Variants in SLC5A9 observed in about 807,000 individuals in gnomAD.
SLC5A9 encodes solute carrier family 5 member 9, also known as sodium/glucose cotransporter 4.
In SLC5A9, 59 loss-of-function variants were observed where a neutral mutation model predicts 70.9. The observed-to-expected ratio is 0.83, with a 90% CI of 0.68 to 1.03. The LOEUF (loss-of-function observed/expected upper bound fraction) is 1.03, where lower values mean the gene tolerates loss of function less well. Ranked by LOEUF, SLC5A9 falls within the 50% of genes least tolerant of loss-of-function variation. The pLI, the probability that SLC5A9 is intolerant of heterozygous loss-of-function variation, is 0.00. For synonymous variants in SLC5A9, 340 were observed against 346.5 expected, an observed-to-expected ratio of 0.98 and a Z score of 0.21; for missense variants, 832 against 881.1, an observed-to-expected ratio of 0.94 and a Z score of 0.71.
At position 48,231,974 on chromosome 1, in the gene SLC5A9, C is replaced by T. The variant is rs376108374; in HGVS notation, c.720C>T (p.Gly240=). 18 of 1,614,024 alleles carry T rather than the reference C, an allele frequency of 1.1e-5. No homozygotes were observed. In the African/African-American group the frequency reaches 2.1e-4, roughly 19 times the overall value. Residue 240 remains glycine (G), a synonymous_variant, in exon 7 of 14, where the codon GGC becomes GGT. Coordinates refer to ENST00000438567, the MANE Select transcript of SLC5A9 (RefSeq NM_001011547.3). The stretch of plus-strand genomic sequence containing the variant: ...TTCAGGACGTGGGCTGGTACCCAGG[C>T]CTGGAGCAGCGGTACAGGCAGGCCA... ...LGFQDVGWYP[G]LEQRYRQAIP... is the part of the protein sequence containing the mutation.
chr1:48,237,088 G>GC (rs1304296826), intron 10 of SLC5A9, among the ~76,000 whole-genome samples: 1 of 152,124 alleles, frequency 6.6e-6, no homozygotes, highest in Non-Finnish European at 1.5e-5. Flanking sequence ...TCCAAGAAAA[G>GC]TTTTTCATCA....
intron 13 of SLC5A9, among the ~76,000 whole-genome samples, chr1:48,245,985 T>C (rs565498909): frequency 6.6e-6 from 1 of 150,700 alleles, no homozygotes; most frequent in Non-Finnish European, 1.5e-5. Context: ...ATATATAAAA[T>C]ATATATTTTT....
At chr1:48,225,002 C>G (rs1644124575) in intron 2 of SLC5A9, among the ~76,000 whole-genome samples, 1 of 151,438 alleles carries the variant, frequency 6.6e-6, no homozygotes, top group Non-Finnish European at 1.5e-5. Context: ...GACAAACATC[C>G]CCTGGCCCCT....
At chr1:48,226,336 G>A (rs1299301475) in intron 2 of SLC5A9, among the ~76,000 whole-genome samples, 1 of 152,180 alleles carries the variant, frequency 6.6e-6, no homozygotes, top group African/African-American at 2.4e-5. Context: ...CCCACAGAGA[G>A]CCGAGCTCTG....
At chr1:48,246,673 A>G (rs1421265515) in intron 13 of SLC5A9, among the ~76,000 whole-genome samples, 2 of 152,182 alleles carry the variant, frequency 1.3e-5, no homozygotes, top group Non-Finnish European at 2.9e-5. Context: ...TTAGCATATC[A>G]TATACACCAG....
chr1:48,239,059 G>T lies in SLC5A9; in HGVS notation c.1462-263G>T, dbSNP rs966091319. Among the ~76,000 whole-genome samples, 1 of 152,106 alleles carries T rather than the reference G, an allele frequency of 6.6e-6. No homozygotes were observed. The highest frequency in any genetic ancestry group is 1.5e-5 in the Non-Finnish European group (1 of 68,018). On this transcript the variant is annotated intron_variant, in intron 11 of 13. Coordinates refer to ENST00000438567, the MANE Select transcript of SLC5A9 (RefSeq NM_001011547.3). The surrounding 1 kb of genome is among the most constrained non-coding windows in gnomAD (Gnocchi z 4.2). ...CAATAAGAAAACTCTGAGTCAGCACGGCCGAGTCATTGGTTCAGTCAGTTC... is the reference window on the plus strand; with the variant it reads ...CAATAAGAAAACTCTGAGTCAGCACTGCCGAGTCATTGGTTCAGTCAGTTC...
rs773867100 is a variant in SLC5A9 at position 48,222,854 on chromosome 1, G to A, written c.118G>A (p.Val40Met). 9.3e-6 allele frequency: 15 copies of A among 1,614,144 alleles called. No homozygotes were observed. Among genetic ancestry groups the A allele is most frequent in the Middle Eastern group, 1.6e-4 (1 of 6,062 alleles). Residue 40 changes from valine (V) to methionine (M), a missense_variant, in exon 1 of 14, where the codon GTG (valine) becomes ATG (methionine). Coordinates refer to ENST00000438567, the MANE Select transcript of SLC5A9 (RefSeq NM_001011547.3). ...TGGTCTGCACGCCTACGACATCAGC[G>A]TGGTGGTCATCTACTTTGTCTTCGT... ...RVGLHAYDIS[V>M]VVIYFVFVIA... is the part of the protein sequence containing the mutation.
At position 48,229,292 on chromosome 1, in the gene SLC5A9, C is replaced by T. The variant is rs775850089; in HGVS notation, c.340-3C>T. 27 of 1,614,178 alleles carry T rather than the reference C, an allele frequency of 1.7e-5. No homozygotes were observed. Among genetic ancestry groups the T allele is most frequent in the Non-Finnish European group, 2.3e-5 (27 of 1,180,020 alleles). ...TACCTTCTTCTTCTCCCCACTCTCCCAGGCAACCTGGCTGCTCCTGGCCCT... is the reference window on the plus strand; with the variant it reads ...TACCTTCTTCTTCTCCCCACTCTCCTAGGCAACCTGGCTGCTCCTGGCCCT... On this transcript the variant is annotated splice_region_variant and splice_polypyrimidine_tract_variant and intron_variant, in intron 3 of 13. Transcript: ENST00000438567.
intron 8 of SLC5A9, 102 bp downstream of exon 8, chr1:48,232,604 G>C (rs1404826766): frequency 6.8e-6 from 10 of 1,481,088 alleles, no homozygotes; most frequent in African/African-American, 1.4e-5. Context: ...CAGAGCAGGG[G>C]TTGGCAAGGT....
intron 10 of SLC5A9, among the ~76,000 whole-genome samples, chr1:48,236,797 G>T (rs1290618598): frequency 6.6e-6 from 1 of 152,134 alleles, no homozygotes; most frequent in African/African-American, 2.4e-5. Context: ...TGCACCCCCA[G>T]CCCTAGGCAA....
intron 8 of SLC5A9, 116 bp from the exon 9 acceptor site, chr1:48,233,539 T>C: frequency 1.3e-6 from 1 of 756,364 alleles, no homozygotes; most frequent in South Asian, 1.6e-5. Context: ...CTTGTAGACA[T>C]GGGTCCCTGT....
intron 2 of SLC5A9, 68 bp from the exon 3 acceptor site, chr1:48,228,782 T>C: frequency 6.3e-7 from 1 of 1,592,746 alleles, no homozygotes; most frequent in Non-Finnish European, 8.6e-7. Flanking sequence ...TCACTACTCA[T>C]GGTCCTCGCT....
rs1553132216 is a variant in SLC5A9 at position 48,244,878 on chromosome 1, G to GCA, written c.1837+2262_1837+2263insCA. On this transcript the variant is annotated intron_variant, in intron 13 of 13. Coordinates refer to ENST00000438567, the MANE Select transcript of SLC5A9 (RefSeq NM_001011547.3). Reference sequence around the variant, plus strand: ...TGTGTGTGTGTATGTATGTGTATGTGTATATATATATATATATATATATAT... The same window carrying GCA: ...TGTGTGTGTGTATGTATGTGTATGTGCATATATATATATATATATATATATAT... 4.8e-4 allele frequency among the ~76,000 whole-genome samples: 14 copies of GCA among 29,402 alleles called. 3 individuals carry two copies. Among genetic ancestry groups the GCA allele is most frequent in the African/African-American group, 1.2e-3 (14 of 11,882 alleles). The allele number at this position is 29,402 out of a possible 152,430, so 19.3% of individuals were successfully genotyped here. A position where few individuals can be genotyped will look rare whatever the true frequency, so the allele number is the denominator to read the frequency against.
intron 2 of SLC5A9, among the ~76,000 whole-genome samples, chr1:48,227,036 TTGTG>T (rs752452842): frequency 1.4e-3 from 216 of 151,438 alleles, no homozygotes; most frequent in African/African-American, 4.9e-3. Context: ...ATGAGTGTGC[TTGTG>T]TGTGTGTGCT....
chr1:48,227,646 CTGTG>C (rs979618261), intron 2 of SLC5A9, among the ~76,000 whole-genome samples: 18 of 151,444 alleles, frequency 1.2e-4, no homozygotes, highest in East Asian at 3.9e-4. Flanking sequence ...TGTACTGTGC[CTGTG>C]TGTGTGTGAG....
chr1:48,227,823 G>C (rs978811475), intron 2 of SLC5A9: 7 of 152,428 alleles, frequency 4.6e-5, no homozygotes, highest in African/African-American at 1.4e-4. Flanking sequence ...CAGCACCTCC[G>C]GAAGAACAGG....
chr1:48,227,143 A>T (rs766561128), intron 2 of SLC5A9, among the ~76,000 whole-genome samples: 1 of 143,140 alleles, frequency 7.0e-6, no homozygotes, highest in Non-Finnish European at 1.5e-5. Context: ...GCGACGGTGC[A>T]AGTGCATGAG....
intron 2 of SLC5A9, chr1:48,228,587 T>C (rs764656): frequency 0.18 from 83,042 of 459,026 alleles, 8,468 homozygotes; most frequent in East Asian, 0.3. Context: ...CCACTTTCCC[T>C]TTTTTCCCAC....
At chr1:48,225,637 ACT>A (rs1644133570) in intron 2 of SLC5A9, among the ~76,000 whole-genome samples, 2 of 151,976 alleles carry the variant, frequency 1.3e-5, no homozygotes, top group South Asian at 4.2e-4. Flanking sequence ...CCACATGCAC[ACT>A]CTCACACACT....
Sources: gnomAD v4.1 joint callset for allele counts (sites outside exome capture counted in the v4.1 genomes callset) on GRCh38, gnomAD v4.1.1 for gene constraint, Gnocchi (gnomAD v3.1) non-coding constraint, MANE v1.5 for transcripts, NCBI Gene and HGNC (gene_info 2026-07-23, HGNC 2026-07-21) for gene names.